Variants in HMGB1 observed in about 807,000 individuals in gnomAD.
HMGB1 encodes high mobility group protein B1.
For missense variants in HMGB1, 79 were observed against 253.5 expected (o/e 0.31, Z 4.67); for synonymous variants, 81 against 84.0 (o/e 0.96, Z 0.19).
intron 1 of HMGB1, among the ~76,000 whole-genome samples, chr13:30,546,869 G>C (rs910571656): frequency 6.6e-6 from 1 of 152,102 alleles, no homozygotes; most frequent in Non-Finnish European, 1.5e-5. Context: ...GTACCTGAAG[G>C]CTCCCCTTTC....
intron 1 of HMGB1, among the ~76,000 whole-genome samples, chr13:30,541,460 A>T (rs1200114158): frequency 6.8e-6 from 1 of 146,572 alleles, no homozygotes; most frequent in East Asian, 1.9e-4. Flanking sequence ...ATTTTTCAGC[A>T]CAAGTCTAAA....
At chr13:30,601,743 C>T (rs1261940687) in intron 1 of HMGB1, among the ~76,000 whole-genome samples, 1 of 3,594 alleles carries the variant, frequency 2.8e-4, no homozygotes, top group Non-Finnish European at 4.1e-4. Context: ...GAGACTCCGT[C>T]TCAAAAAAAA....
Position 30,463,370 on chromosome 13 carries a change from GTAAGTT to G in HMGB1, c.151-24_151-19del. 1.2e-5 allele frequency: 19 copies of G among 1,577,802 alleles called. No individual in the cohort carries two copies. Among genetic ancestry groups the G allele is most frequent in the Non-Finnish European group, 1.5e-5 (18 of 1,163,902 alleles). The stretch of plus-strand genomic sequence containing the variant: ...GACATGGTCTACAAAATAATTATTT[GTAAGTT>G]TAAGTTGTAACATTTAAGTAAATTA... On this transcript the variant is annotated intron_variant, in intron 2 of 4. Transcript: ENST00000341423.
At chr13:30,604,639 G>C (rs927845631) in intron 1 of HMGB1, among the ~76,000 whole-genome samples, 6 of 152,148 alleles carry the variant, frequency 3.9e-5, no homozygotes, top group African/African-American at 1.4e-4. Context: ...CTGGAGAAGT[G>C]CTTAGCTTCC....
At chr13:30,506,740 C>T (rs1421157309) in intron 1 of HMGB1, among the ~76,000 whole-genome samples, 1 of 152,120 alleles carries the variant, frequency 6.6e-6, no homozygotes, top group Non-Finnish European at 1.5e-5. Context: ...AGGAAAGTGC[C>T]AGTGACACAC....
At chr13:30,553,278 C>T (rs565025533) in intron 1 of HMGB1, among the ~76,000 whole-genome samples, 2 of 152,168 alleles carry the variant, frequency 1.3e-5, no homozygotes, top group Non-Finnish European at 2.9e-5. Context: ...AATAAACTCC[C>T]TACCTACCTC....
At position 30,475,747 on chromosome 13, in the gene HMGB1, A is replaced by G. The variant is rs558741047; in HGVS notation, c.-14-12053T>C. On this transcript the variant is annotated intron_variant, in intron 1 of 4. Coordinates refer to the HMGB1 transcript ENST00000405805. ...CCAGAAAACAGTAGAAATCTTCACA[A>G]TAAAAAATCCAGATATTTGGCTTCT... Among the ~76,000 whole-genome samples the G allele has an allele frequency of 1.1e-4, 17 of 152,306 alleles. No individual in the cohort carries two copies. The East Asian group carries it at 3.1e-3, about 28-fold the overall frequency.
chr13:30,466,800 C>T (rs1886801014), upstream of HMGB1, among the ~76,000 whole-genome samples: 1 of 152,160 alleles, frequency 6.6e-6, no homozygotes, highest in Non-Finnish European at 1.5e-5. Flanking sequence ...GTTTGTGAGG[C>T]CCTGGTAGAA....
At chr13:30,578,034 C>A (rs1439038195) in intron 1 of HMGB1, among the ~76,000 whole-genome samples, 1 of 152,184 alleles carries the variant, frequency 6.6e-6, no homozygotes, top group East Asian at 1.9e-4. Flanking sequence ...CACTCCTCAT[C>A]CACATGGAGG....
At chr13:30,492,535 T>G (rs567561268) in intron 1 of HMGB1, among the ~76,000 whole-genome samples, 61 of 152,150 alleles carry the variant, frequency 4.0e-4, no homozygotes, top group Non-Finnish European at 6.6e-4. Flanking sequence ...TATTGTTAGT[T>G]ATCTGGAAAA....
intron 1 of HMGB1, among the ~76,000 whole-genome samples, chr13:30,574,546 A>G (rs116460545): frequency 7.1e-4 from 108 of 152,372 alleles, no homozygotes; most frequent in African/African-American, 2.6e-3. Flanking sequence ...ATCAACTTTC[A>G]TTGAGAATAT....
At chr13:30,465,333 G>C (rs1270483599) in intron 1 of HMGB1, 8 of 116,124 alleles carry the variant, frequency 6.9e-5, no homozygotes, top group African/African-American at 2.5e-4. Flanking sequence ...GCCAGCGCCC[G>C]GCTCGCTGCG....
At chr13:30,596,879 C>T (rs1050196227) in intron 1 of HMGB1, among the ~76,000 whole-genome samples, 2 of 152,174 alleles carry the variant, frequency 1.3e-5, no homozygotes, top group Non-Finnish European at 2.9e-5. Flanking sequence ...CTAGTACAAA[C>T]AAGTATTACA....
chr13:30,488,667 T>C lies in HMGB1; in HGVS notation c.-14-24973A>G, dbSNP rs941720165. Among the ~76,000 whole-genome samples, 129 of 142,490 alleles carry C rather than the reference T, an allele frequency of 9.1e-4. 1 individual carries two copies. Among genetic ancestry groups the C allele is most frequent in the African/African-American group, 3.0e-3 (114 of 38,566 alleles). 93.5% of individuals were successfully genotyped at this position (142,490 alleles called of 152,430 possible). A position where few individuals can be genotyped will look rare whatever the true frequency, so the allele number is the denominator to read the frequency against. On this transcript the variant is annotated intron_variant, in intron 1 of 4. Coordinates refer to the HMGB1 transcript ENST00000405805. The stretch of plus-strand genomic sequence containing the variant: ...AATTTTATTATTATTATTATTATTA[T>C]TATTATTATTATTATTATTATTATT...
chr13:30,586,661 A>G (rs1283651434), intron 1 of HMGB1, among the ~76,000 whole-genome samples: 1 of 151,012 alleles, frequency 6.6e-6, no homozygotes, highest in Non-Finnish European at 1.5e-5. Flanking sequence ...TAATTTTTCT[A>G]TTTTAGTAGA....
At position 30,592,870 on chromosome 13, in the gene HMGB1, T is replaced by A. The variant is rs1275650602; in HGVS notation, c.-15+23801A>T. Among the ~76,000 whole-genome samples, 482 of 149,510 alleles carry A rather than the reference T, an allele frequency of 3.2e-3. 1 individual carries two copies. The highest frequency in any genetic ancestry group is 0.011 in the African/African-American group (455 of 40,036). ...ATAATTTAAAATTTAGTGCTTTTTT[T>A]TAAAAAAAAAAAAAAAGCGAATCCC... is the stretch of plus-strand genomic sequence containing the variant. On this transcript the variant is annotated intron_variant, in intron 1 of 4. Coordinates refer to the HMGB1 transcript ENST00000405805.
At chr13:30,465,101 C>T (rs937492955) in intron 1 of HMGB1, 2 of 951,302 alleles carry the variant, frequency 2.1e-6, no homozygotes, top group African/African-American at 1.8e-5. Context: ...AGCTCCCCCG[C>T]CCGCCCGCCT....
At chr13:30,490,234 T>C (rs1308032111) in intron 1 of HMGB1, among the ~76,000 whole-genome samples, 1 of 152,136 alleles carries the variant, frequency 6.6e-6, no homozygotes, top group East Asian at 1.9e-4. Flanking sequence ...CTTCACCAAG[T>C]CTGAACCGAG....
At chr13:30,569,188 C>T (rs1324998040) in intron 1 of HMGB1, among the ~76,000 whole-genome samples, 3 of 152,010 alleles carry the variant, frequency 2.0e-5, no homozygotes, top group Non-Finnish European at 4.4e-5. Flanking sequence ...CCAAGTCTTA[C>T]GTAGCAAAAA....
Sources: allele counts gnomAD v4.1 joint callset (sites outside exome capture counted in the v4.1 genomes callset), GRCh38; gene constraint gnomAD v4.1.1; transcripts MANE v1.5; gene names NCBI Gene and HGNC (gene_info 2026-07-23, HGNC 2026-07-21).